Variants in SIPA1L2 observed in about 807,000 individuals in gnomAD.
The protein encoded by SIPA1L2 is signal-induced proliferation-associated 1-like protein 2.
Under a neutral mutation model 163.9 loss-of-function variants are expected in SIPA1L2, and 56 were observed. That is an observed-to-expected ratio of 0.34 (90% confidence interval 0.28 to 0.43). The LOEUF is 0.43. SIPA1L2 is among the 20% of genes least tolerant of loss of function. The pLI, the probability that SIPA1L2 is intolerant of heterozygous loss-of-function variation, is 1.00. For synonymous variants in SIPA1L2, 877 were observed against 865.7 expected (o/e 1.01, Z -0.23); for missense variants, 1,974 against 2,193.5 (o/e 0.90, Z 2.00).
At chr1:232,466,580 G>A (rs1664524493) in intron 8 of SIPA1L2, among the ~76,000 whole-genome samples, 1 of 152,174 alleles carries the variant, frequency 6.6e-6, no homozygotes, top group Non-Finnish European at 1.5e-5. Flanking sequence ...CATGAGGTCA[G>A]GAGATTGAGA....
At position 232,441,308 on chromosome 1, in the gene SIPA1L2, G is replaced by C; in HGVS notation, c.3625C>G (p.Pro1209Ala). The change falls in exon 14 of 23, where the codon CCC becomes GCC. Residue 1209 changes from proline (P) to alanine (A), a missense_variant. Around this residue, in one of 3 missense-constraint regions of SIPA1L2, gnomAD observed 1,079 missense variants for 1,150.7 expected, o/e 0.94. Transcript: ENST00000674635. ...LQKDGSCKDS[P>A]NKLSHIGDKS... ...GGACTTACGTGAGAAAGCTTATTGG[G>C]GGAATCTTTGCAACTTCCATCTTTC... 2 of 1,596,412 alleles carry C rather than the reference G, an allele frequency of 1.3e-6. No homozygotes were observed. The highest frequency in any genetic ancestry group is 1.7e-4 in the Middle Eastern group (1 of 5,996).
intron 2 of SIPA1L2, among the ~76,000 whole-genome samples, chr1:232,520,117 C>T (rs1038177234): frequency 1.3e-5 from 2 of 152,192 alleles, no homozygotes; most frequent in South Asian, 2.1e-4. Flanking sequence ...TAAAACAGAT[C>T]TCTAGATTTT....
At chr1:232,490,668 T>C in intron 5 of SIPA1L2, 1 of 493,328 alleles carries the variant, frequency 2.0e-6, no homozygotes, top group Non-Finnish European at 3.4e-6. Context: ...CAAAAAAAAA[T>C]CACAACTCAG....
At chr1:232,524,089 C>G (rs1339396092) in intron 2 of SIPA1L2, among the ~76,000 whole-genome samples, 1 of 152,148 alleles carries the variant, frequency 6.6e-6, no homozygotes, top group Non-Finnish European at 1.5e-5. Flanking sequence ...TTTTGCTGAA[C>G]AGTTTTATGT....
intron 3 of SIPA1L2, among the ~76,000 whole-genome samples, chr1:232,497,597 TCTC>T (rs1476380888): frequency 6.6e-6 from 1 of 152,150 alleles, no homozygotes; most frequent in Non-Finnish European, 1.5e-5. Flanking sequence ...ATCTTCCAGG[TCTC>T]CTCCTGCCAG....
intron 2 of SIPA1L2, among the ~76,000 whole-genome samples, chr1:232,521,169 C>T (rs924370819): frequency 6.6e-6 from 1 of 152,096 alleles, no homozygotes. Context: ...CAGAATTCTC[C>T]TCTTTGGGGT....
At chr1:232,431,171 G>A (rs1471603694) in intron 16 of SIPA1L2, among the ~76,000 whole-genome samples, 2 of 152,114 alleles carry the variant, frequency 1.3e-5, no homozygotes, top group Admixed American at 1.3e-4. Context: ...CTTAAAAAAG[G>A]CTTGGAATGA....
intron 19 of SIPA1L2, among the ~76,000 whole-genome samples, chr1:232,412,004 T>C (rs1660983316): frequency 6.6e-6 from 1 of 152,266 alleles, no homozygotes; most frequent in African/African-American, 2.4e-5. Flanking sequence ...ACAGAATACC[T>C]GACTCTCACC....
At chr1:232,540,540 G>C (rs1657591531) in intron 2 of SIPA1L2, among the ~76,000 whole-genome samples, 1 of 152,138 alleles carries the variant, frequency 6.6e-6, no homozygotes, top group Admixed American at 6.5e-5. Context: ...GGGCACTCAA[G>C]TGAGTCAGGA....
upstream of SIPA1L2, among the ~76,000 whole-genome samples, chr1:232,630,492 G>A (rs887882673): frequency 6.6e-6 from 1 of 152,194 alleles, no homozygotes; most frequent in Non-Finnish European, 1.5e-5. Flanking sequence ...GCCCCTCTGA[G>A]GAATAAGTTA....
At chr1:232,605,964 C>A (rs1661896104) in intron 1 of SIPA1L2, among the ~76,000 whole-genome samples, 1 of 152,094 alleles carries the variant, frequency 6.6e-6, no homozygotes, top group Non-Finnish European at 1.5e-5. Flanking sequence ...ATTCTAACCA[C>A]ATATTCATAT....
chr1:232,423,269 T>C (rs1269029661), intron 18 of SIPA1L2, among the ~76,000 whole-genome samples: 2 of 152,190 alleles, frequency 1.3e-5, no homozygotes, highest in African/African-American at 4.8e-5. Context: ...CTTACAATAT[T>C]TTCAACTTAT....
intron 18 of SIPA1L2, among the ~76,000 whole-genome samples, chr1:232,418,088 T>C (rs148820159): frequency 1.2e-3 from 189 of 152,342 alleles, no homozygotes; most frequent in African/African-American, 4.4e-3. Flanking sequence ...GAAACAATCC[T>C]TCATTCCAGC....
chr1:232,598,978 A>C (rs1176326587), intron 1 of SIPA1L2, among the ~76,000 whole-genome samples: 1 of 132,014 alleles, frequency 7.6e-6, no homozygotes, highest in East Asian at 2.4e-4. Context: ...AAAAAAAAAA[A>C]AAAAACTTCC....
chr1:232,562,080 G>C (rs1243135572), intron 2 of SIPA1L2, among the ~76,000 whole-genome samples: 1 of 152,198 alleles, frequency 6.6e-6, no homozygotes, highest in East Asian at 1.9e-4. Flanking sequence ...AGGAGTTTTG[G>C]AGGGCAGAGG....
intron 3 of SIPA1L2, among the ~76,000 whole-genome samples, chr1:232,507,844 T>C (rs934704496): frequency 1.3e-5 from 2 of 152,160 alleles, no homozygotes; most frequent in African/African-American, 4.8e-5. Context: ...CATAATGACA[T>C]GGAAGGGTGA....
chr1:232,441,726 A>AG, intron 13 of SIPA1L2, 42 bp downstream of exon 13: 1 of 1,516,722 alleles, frequency 6.6e-7, no homozygotes. Flanking sequence ...AGAGGGGGAA[A>AG]GGGGGAGCAA....
intron 2 of SIPA1L2, among the ~76,000 whole-genome samples, chr1:232,553,315 C>G (rs957111767): frequency 6.6e-6 from 1 of 152,198 alleles, no homozygotes; most frequent in African/African-American, 2.4e-5. Flanking sequence ...TGCTGCCCTT[C>G]TCTCTTCTGT....
At position 232,515,403 on chromosome 1, in the gene SIPA1L2, A is replaced by G; in HGVS notation, c.-64T>C. On this transcript the variant is annotated 5_prime_UTR_variant, in exon 3 of 23. Transcript: ENST00000674635. ...CTGATGTAAATCTAATTACATTGCT[A>G]CCGACCACGCCATAATACTTGCAGA... is the stretch of plus-strand genomic sequence containing the variant. 6.8e-7 allele frequency: 1 copy of G among 1,473,644 alleles called. No homozygotes were observed. The highest frequency in any genetic ancestry group is 1.4e-5 in the South Asian group (1 of 73,452). The allele number at this position is 1,473,644 out of a possible 1,614,324, so 91.3% of individuals were successfully genotyped here.
Sources: gnomAD v4.1 joint callset for allele counts (sites outside exome capture counted in the v4.1 genomes callset) on GRCh38, gnomAD v4.1.1 for gene constraint, gnomAD v4.1.1 regional missense constraint, MANE v1.5 for transcripts, NCBI Gene and HGNC (gene_info 2026-07-23, HGNC 2026-07-21) for gene names.